The following NCEH1 variants were observed in gnomAD, a reference collection of about 807,000 sequenced individuals.
The protein encoded by NCEH1 is neutral cholesterol ester hydrolase 1, also known as 2-acetyl MAGE hydrolase.
In NCEH1, 9 loss-of-function variants were observed where a neutral mutation model predicts 25.4. That is an observed-to-expected ratio of 0.35 (90% CI 0.21 to 0.62). The LOEUF (loss-of-function observed/expected upper bound fraction) is 0.62. NCEH1 is among the 20% of genes least tolerant of loss of function. The probability of loss-of-function intolerance (pLI) is 0.72; values close to 1 mark genes in which losing one functional copy is unlikely to be tolerated. For synonymous variants in NCEH1, 200 were observed against 199.8 expected (o/e 1.00, Z -0.01); for missense variants, 412 against 501.1 (o/e 0.82, Z 1.70).
chr3:172,638,506 CATCAT>C (rs1433569384), intron 3 of NCEH1, among the ~76,000 whole-genome samples: 1 of 129,584 alleles, frequency 7.7e-6, no homozygotes, highest in Admixed American at 9.2e-5. Context: ...CACTAGATGA[CATCAT>C]TTCATATGAG....
At chr3:172,669,418 G>T (rs2108511471) in intron 1 of NCEH1, among the ~76,000 whole-genome samples, 1 of 152,318 alleles carries the variant, frequency 6.6e-6, no homozygotes, top group Admixed American at 6.5e-5. Flanking sequence ...TTTTAGCTCA[G>T]AATGGTAATA....
intron 4 of NCEH1, among the ~76,000 whole-genome samples, chr3:172,634,366 G>A (rs992929509): frequency 1.3e-5 from 2 of 152,164 alleles, no homozygotes; most frequent in Admixed American, 1.3e-4. Context: ...TCTTTAGGCA[G>A]TTAAGACACC....
chr3:172,676,138 G>A (rs559531919), intron 1 of NCEH1, among the ~76,000 whole-genome samples: 4 of 152,164 alleles, frequency 2.6e-5, no homozygotes, highest in Non-Finnish European at 5.9e-5. Flanking sequence ...TTCTCTTGAG[G>A]GGGGAAATAA....
rs567188687 is a variant in NCEH1, at chr3:172,631,245, C to T, written c.*2230G>A. ...AAAATGCCAATTGAAGGAACCCTGC[C>T]TATACATTTTATTTTCTTTTTCTTC... is the stretch of plus-strand genomic sequence containing the variant. On this transcript the variant is annotated 3_prime_UTR_variant, in exon 5 of 5. Transcript: ENST00000475381. 6 of 152,282 alleles carry T rather than the reference C, an allele frequency of 3.9e-5. No homozygotes were observed. The South Asian group carries it at 1.2e-3, about 32-fold the overall frequency. 9.4% of individuals were successfully genotyped at this position (152,282 alleles called of 1,614,324 possible). A position where few individuals can be genotyped will look rare whatever the true frequency, so the allele number is the denominator to read the frequency against.
rs534703943 is a variant in NCEH1, at chr3:172,692,002, TGA to T, written c.138+18843_138+18844del. Among the ~76,000 whole-genome samples, 10 of 112,124 alleles carry T rather than the reference TGA, an allele frequency of 8.9e-5. No individual in the cohort carries two copies. The South Asian group carries it at 2.7e-3, about 30-fold the overall frequency. The allele number at this position is 112,124 out of a possible 152,430, so 73.6% of individuals were successfully genotyped here. ...GAAAGAAAGAAAGAACAGGGTGTAG[TGA>T]GAGAAGGTGAGAGGGAAACCAGACT... On this transcript the variant is annotated intron_variant, in intron 1 of 4. Coordinates refer to ENST00000475381, the MANE Select transcript of NCEH1 (RefSeq NM_020792.6).
At chr3:172,688,799 G>A (rs1276236507) in intron 1 of NCEH1, among the ~76,000 whole-genome samples, 1 of 152,046 alleles carries the variant, frequency 6.6e-6, no homozygotes, top group East Asian at 1.9e-4. Context: ...ACAAGGTGTT[G>A]GCCCTTGTCC....
intron 1 of NCEH1, among the ~76,000 whole-genome samples, chr3:172,709,512 C>CAAGAGGAA (rs1293044634): frequency 6.6e-6 from 1 of 152,034 alleles, no homozygotes; most frequent in African/African-American, 2.4e-5. Context: ...TTATAGGAAG[C>CAAGAGGAA]AAGAGGAAAA....
chr3:172,636,841 C>G (rs1317007441), intron 3 of NCEH1, among the ~76,000 whole-genome samples: 1 of 152,168 alleles, frequency 6.6e-6, no homozygotes, highest in African/African-American at 2.4e-5. Context: ...AATGCCTCAC[C>G]CATAGTGTTA....
At chr3:172,696,443 T>C (rs1021652350) in intron 1 of NCEH1, among the ~76,000 whole-genome samples, 1 of 152,248 alleles carries the variant, frequency 6.6e-6, no homozygotes, top group Non-Finnish European at 1.5e-5. Flanking sequence ...ATATTTCTCG[T>C]GTGCCAGGTA....
rs530249854 is a variant in NCEH1, at chr3:172,689,762, G to A, written c.138+21085C>T. Among the ~76,000 whole-genome samples, 264 of 151,500 alleles carry A rather than the reference G, an allele frequency of 1.7e-3. 3 individuals are homozygous for A. The highest frequency in any genetic ancestry group is 0.016 in the Admixed American group (244 of 15,246). ...AAGCCCCTGTATTTCCCTTCTCAGG[G>A]TAGTATAGTAAAATTGGAAAGACTG... On this transcript the variant is annotated intron_variant, in intron 1 of 4. Coordinates refer to ENST00000475381, the MANE Select transcript of NCEH1 (RefSeq NM_020792.6).
chr3:172,669,153 C>T (rs1198671222), intron 1 of NCEH1, among the ~76,000 whole-genome samples: 1 of 152,238 alleles, frequency 6.6e-6, no homozygotes, highest in African/African-American at 2.4e-5. Flanking sequence ...TTAACACCAA[C>T]GTTTTGATTC....
In NCEH1 at chr3:172,650,521, C is replaced by T. The variant is rs372434280; in HGVS notation, c.139-2407G>A. Among the ~76,000 whole-genome samples, 102 of 151,052 alleles carry T rather than the reference C, an allele frequency of 6.8e-4. 1 individual carries two copies. In the East Asian group the frequency reaches 0.018, roughly 27 times the overall value. On this transcript the variant is annotated intron_variant, in intron 1 of 4. Transcript: ENST00000475381. ...AAAATCAGCCGGGCATGGTGGCGGG[C>T]GCCTGTAGTCCCAGCTACTTGGGAG... is the stretch of plus-strand genomic sequence containing the variant.
intron 1 of NCEH1, among the ~76,000 whole-genome samples, chr3:172,701,123 G>A (rs559661982): frequency 5.5e-4 from 84 of 152,206 alleles, no homozygotes; most frequent in African/African-American, 1.9e-3. Flanking sequence ...CATATCACCA[G>A]CCCAGCTCTG....
At chr3:172,645,751 T>A (rs374556561) in intron 2 of NCEH1, 59 bp from the exon 3 acceptor site, 1 of 994,930 alleles carries the variant, frequency 1.0e-6, no homozygotes. Context: ...TGTCCACTCA[T>A]AAATTCTGCT....
At chr3:172,650,835 A>C (rs989395511) in intron 1 of NCEH1, among the ~76,000 whole-genome samples, 20 of 150,970 alleles carry the variant, frequency 1.3e-4, no homozygotes, top group Non-Finnish European at 2.8e-4. Context: ...AAAAAAAAAA[A>C]AGGGACAATT....
At chr3:172,693,858 C>T (rs2108530925) in intron 1 of NCEH1, among the ~76,000 whole-genome samples, 1 of 152,260 alleles carries the variant, frequency 6.6e-6, no homozygotes, top group Admixed American at 6.5e-5. Flanking sequence ...AATACTGACC[C>T]ACTGTCCTTA....
rs112131557 is a variant in NCEH1, at chr3:172,637,788, C to G, written c.438-1701G>C. Reference sequence around the variant, plus strand: ...CCTGTAATCCCAACTACTCAGGAGGCTGAGGCAGGAAAATCACTTGAACCC... The same window carrying G: ...CCTGTAATCCCAACTACTCAGGAGGGTGAGGCAGGAAAATCACTTGAACCC... On this transcript the variant is annotated intron_variant, in intron 3 of 4. Transcript: ENST00000475381. Among the ~76,000 whole-genome samples, 1,332 of 152,258 alleles carry G rather than the reference C, an allele frequency of 8.7e-3. 15 individuals are homozygous for G. Among genetic ancestry groups the G allele is most frequent in the African/African-American group, 0.03 (1,238 of 41,548 alleles).
At chr3:172,692,365 C>G (rs1416583023) in intron 1 of NCEH1, among the ~76,000 whole-genome samples, 1 of 151,920 alleles carries the variant, frequency 6.6e-6, no homozygotes, top group African/African-American at 2.4e-5. Flanking sequence ...TCTCTCTTTA[C>G]TTTTATTTTG....
intron 1 of NCEH1, chr3:172,703,136 G>T (rs1030568435): frequency 6.6e-6 from 1 of 152,190 alleles, no homozygotes; most frequent in African/African-American, 2.4e-5. Flanking sequence ...GCTCACTTCA[G>T]CAGCACATAC....
Sources: allele counts gnomAD v4.1 joint callset (sites outside exome capture counted in the v4.1 genomes callset), GRCh38; gene constraint gnomAD v4.1.1; transcripts MANE v1.5; gene names NCBI Gene and HGNC (gene_info 2026-07-23, HGNC 2026-07-21).